Variants in GRM5 observed in about 807,000 individuals in gnomAD.
The protein encoded by GRM5 is metabotropic glutamate receptor 5.
A neutral mutation model predicts 83.1 loss-of-function variants in GRM5; 19 were observed. The observed-to-expected ratio is 0.23, with a 90% CI of 0.16 to 0.34. The LOEUF (loss-of-function observed/expected upper bound fraction) is 0.34. Among genes scored for constraint, GRM5 ranks in the 10% least tolerant of loss-of-function variants. The probability of loss-of-function intolerance (pLI) is 1.00; values close to 1 mark genes in which losing one functional copy is unlikely to be tolerated. For missense variants in GRM5, 1,160 were observed against 1,588.3 expected (o/e 0.73, Z 4.58); for synonymous variants, 675 against 633.6 (o/e 1.07, Z -0.98).
In GRM5 at chr11:88,638,445, G is replaced by T. The variant is rs548294599; in HGVS notation, c.1147+14723C>A. On this transcript the variant is annotated intron_variant, in intron 4 of 9. Coordinates refer to ENST00000305447, the MANE Select transcript of GRM5 (RefSeq NM_001143831.3). ...GTTTGTTTGTTTGTTTGTTTGTTTT[G>T]TTTTCCATGAGATATTTTCGTCTGG... Among the ~76,000 whole-genome samples the T allele has an allele frequency of 1.9e-4, 29 of 151,816 alleles. 1 individual carries two copies. Among genetic ancestry groups the T allele is most frequent in the African/African-American group, 6.8e-4 (28 of 41,434 alleles).
chr11:88,675,780 C>G (rs1940312128), intron 3 of GRM5, among the ~76,000 whole-genome samples: 1 of 152,004 alleles, frequency 6.6e-6, no homozygotes. Flanking sequence ...ATGTTTCTCA[C>G]AGAGTCAAAG....
At chr11:88,830,854 C>T (rs1027670483) in intron 3 of GRM5, among the ~76,000 whole-genome samples, 3 of 152,032 alleles carry the variant, frequency 2.0e-5, no homozygotes, top group African/African-American at 4.8e-5. Context: ...CTCACAATCA[C>T]GAAGGTAGGC....
chr11:89,051,946 C>A (rs1484086544), intron 1 of GRM5, among the ~76,000 whole-genome samples: 3 of 152,098 alleles, frequency 2.0e-5, no homozygotes, highest in Admixed American at 6.6e-5. Flanking sequence ...GATATATTTT[C>A]CAAGTTGAAT....
rs564681894 is a variant in GRM5, at chr11:88,578,010, A to G, written c.1691-10018T>C. ...AGAAAGTGGAAATGGGGAAGTGTAT[A>G]TACAAAACGGTGTGACTCAACATCT... On this transcript the variant is annotated intron_variant, in intron 7 of 9. Transcript: ENST00000305447. Among the ~76,000 whole-genome samples, 5 of 152,242 alleles carry G rather than the reference A, an allele frequency of 3.3e-5. No homozygotes were observed. The South Asian group carries it at 1.0e-3, about 32-fold the overall frequency.
At chr11:88,681,565 C>CTGTTTTTTTTTTTTTTTTTTTT in intron 3 of GRM5, among the ~76,000 whole-genome samples, 1 of 25,414 alleles carries the variant, frequency 3.9e-5, no homozygotes, top group South Asian at 3.6e-3. Context: ...TGAGTTCTTC[C>CTGTTTTTTTTTTTTTTTTTTTT]TTTTTTTTTT....
intron 2 of GRM5, among the ~76,000 whole-genome samples, chr11:89,023,672 C>T (rs1486936362): frequency 2.0e-5 from 3 of 151,314 alleles, no homozygotes; most frequent in African/African-American, 2.4e-5. Context: ...AGCGAAACCC[C>T]GTCTCTACTA....
At chr11:89,053,294 G>A (rs1941797853) in intron 1 of GRM5, among the ~76,000 whole-genome samples, 1 of 151,932 alleles carries the variant, frequency 6.6e-6, no homozygotes, top group Admixed American at 6.6e-5. Context: ...AATCTGATGA[G>A]GCAGATATTA....
At chr11:89,022,755 A>G (rs1288055973) in intron 2 of GRM5, among the ~76,000 whole-genome samples, 1 of 152,220 alleles carries the variant, frequency 6.6e-6, no homozygotes, top group Non-Finnish European at 1.5e-5. Context: ...AATGTGCTCA[A>G]ATAGAACTGC....
chr11:88,750,287 A>C (rs1427532125), intron 3 of GRM5, among the ~76,000 whole-genome samples: 1 of 152,194 alleles, frequency 6.6e-6, no homozygotes, highest in Non-Finnish European at 1.5e-5. Flanking sequence ...AGTGGTTGCA[A>C]TCCTAGATTC....
In GRM5 at chr11:88,599,581, A is replaced by T. The variant is rs561808575; in HGVS notation, c.1395-2229T>A. On this transcript the variant is annotated intron_variant, in intron 5 of 9. Transcript: ENST00000305447. The stretch of plus-strand genomic sequence containing the variant: ...TTTTCAGAGATAGAATATAGCTTTT[A>T]TTCTCCAACAAAAGGAAAATAAAGT... Among the ~76,000 whole-genome samples the T allele has an allele frequency of 3.2e-3, 489 of 152,382 alleles. 3 individuals are homozygous for T. Among genetic ancestry groups the T allele is most frequent in the Middle Eastern group, 0.02 (6 of 294 alleles).
chr11:88,849,523 A>G (rs1442255027), intron 3 of GRM5, among the ~76,000 whole-genome samples: 2 of 152,204 alleles, frequency 1.3e-5, no homozygotes, highest in African/African-American at 2.4e-5. Flanking sequence ...CCAAAATTCT[A>G]TGATTCAACA....
chr11:88,805,109 A>G (rs1943476491), intron 3 of GRM5, among the ~76,000 whole-genome samples: 1 of 152,170 alleles, frequency 6.6e-6, no homozygotes, highest in Admixed American at 6.6e-5. Flanking sequence ...AAAGACCTGG[A>G]GCCAGAGTTT....
Position 88,597,267 on chromosome 11 carries a change from T to G in GRM5, c.1480A>C (p.Met494Leu). Residue 494 changes from methionine to leucine, a missense_variant, in exon 6 of 10, where the codon ATG becomes CTG. Met to Leu is a conservative substitution (Grantham distance 15). Around this residue, in one of 9 missense-constraint regions of GRM5, gnomAD observed 30 missense variants for 19.7 expected, o/e 1.52. Coordinates refer to ENST00000305447, the MANE Select transcript of GRM5 (RefSeq NM_001143831.3). ...VGSWDNGELKMDDDEVWSKKS... is the reference protein window; with the variant it reads ...VGSWDNGELKLDDDEVWSKKS... ...TTGGACCATACTTCATCATCATCCA[T>G]TTTTAATTCTCCATTGTCCCAACTT... The G allele has an allele frequency of 6.2e-7, 1 of 1,602,706 alleles. No homozygotes were observed. The highest frequency in any genetic ancestry group is 1.1e-5 in the South Asian group (1 of 90,720).
At chr11:89,008,751 T>A (rs750837732) in intron 2 of GRM5, among the ~76,000 whole-genome samples, 22 of 152,116 alleles carry the variant, frequency 1.4e-4, no homozygotes, top group Non-Finnish European at 2.4e-4. Context: ...ATGAAAAAAA[T>A]GTTTCTTCAC....
intron 2 of GRM5, among the ~76,000 whole-genome samples, chr11:89,011,336 A>G (rs569692432): frequency 2.0e-5 from 3 of 152,286 alleles, no homozygotes; most frequent in East Asian, 3.9e-4. Flanking sequence ...GGATTTTAAG[A>G]AACAATTTTA....
chr11:88,632,541 T>C (rs1939004961), intron 4 of GRM5, among the ~76,000 whole-genome samples: 1 of 152,172 alleles, frequency 6.6e-6, no homozygotes, highest in African/African-American at 2.4e-5. Flanking sequence ...TGTTGTTGGG[T>C]GTATTAATTG....
At chr11:89,042,517 G>T (rs1231499470) in intron 2 of GRM5, among the ~76,000 whole-genome samples, 3 of 152,144 alleles carry the variant, frequency 2.0e-5, no homozygotes, top group Non-Finnish European at 2.9e-5. Flanking sequence ...TCTATGGAAT[G>T]AATAGTAATT....
chr11:88,881,969 C>T (rs1212219727), intron 2 of GRM5, among the ~76,000 whole-genome samples: 1 of 152,206 alleles, frequency 6.6e-6, no homozygotes, highest in Non-Finnish European at 1.5e-5. Flanking sequence ...ATGCTGGGCA[C>T]GTTGGCTCAC....
At chr11:88,807,043 C>T (rs971711484) in intron 3 of GRM5, among the ~76,000 whole-genome samples, 2 of 152,134 alleles carry the variant, frequency 1.3e-5, no homozygotes, top group African/African-American at 2.4e-5. Flanking sequence ...GCTGTATTTG[C>T]ATTTTATTTT....
Sources: gnomAD v4.1 joint callset for allele counts (sites outside exome capture counted in the v4.1 genomes callset) on GRCh38, gnomAD v4.1.1 for gene constraint, gnomAD v4.1.1 regional missense constraint, MANE v1.5 for transcripts, NCBI Gene and HGNC (gene_info 2026-07-23, HGNC 2026-07-21) for gene names.